Variants in NXPE4 observed in about 807,000 individuals in gnomAD.
NXPE4 encodes the protein neurexophilin and PC-esterase domain family member 4.
NXPE4 carries 42 observed loss-of-function variants against 33.3 expected under a neutral mutation model. The ratio of observed to expected loss-of-function variants is 1.26; its 90% CI spans 0.98 to 1.63. NXPE4 has a LOEUF of 1.63. NXPE4 is among the 40% of genes most tolerant of loss of function. The pLI, the probability that NXPE4 is intolerant of heterozygous loss-of-function variation, is 0.00. For synonymous variants in NXPE4, 253 were observed against 234.9 expected (o/e 1.08, Z -0.71); for missense variants, 709 against 647.6 (o/e 1.09, Z -1.03).
chr11:114,602,887 T>C, the NXPE4 span, among the ~76,000 whole-genome samples: 3 of 148,180 alleles, frequency 2.0e-5, no homozygotes, highest in Non-Finnish European at 4.5e-5. Context: ...GAAACATAAT[T>C]ATCTAATATA....
the NXPE4 span, among the ~76,000 whole-genome samples, chr11:114,667,292 A>T: frequency 4.6e-5 from 7 of 152,302 alleles, no homozygotes; most frequent in African/African-American, 1.4e-4. Context: ...AGTGAATTTT[A>T]AAAAATGTTT....
rs758515764 is a variant in NXPE4 at position 114,570,896 on chromosome 11, A to G, written c.*42T>C. 19 of 1,429,088 alleles carry G rather than the reference A, an allele frequency of 1.3e-5. No individual in the cohort carries two copies. The highest frequency in any genetic ancestry group is 1.7e-5 in the Non-Finnish European group (18 of 1,056,600). The allele number at this position is 1,429,088 out of a possible 1,614,324, so 88.5% of individuals were successfully genotyped here. On this transcript the variant is annotated 3_prime_UTR_variant, in exon 6 of 6. Transcript: ENST00000375478. ...TGGCCTGCTAGTAGACAGTCAATAA[A>G]TTTTTTTACTTAAGTGAATGAATTT...
the NXPE4 span, among the ~76,000 whole-genome samples, chr11:114,625,152 G>T: frequency 6.6e-6 from 1 of 152,146 alleles, no homozygotes; most frequent in Non-Finnish European, 1.5e-5. Context: ...AATAAGTATT[G>T]CCTTGTGGGT....
the NXPE4 span, among the ~76,000 whole-genome samples, chr11:114,601,671 T>A: frequency 2.7e-5 from 1 of 37,056 alleles, no homozygotes. Flanking sequence ...TAATTATATA[T>A]TATAATTATA....
At chr11:114,651,309 G>A in the NXPE4 span, among the ~76,000 whole-genome samples, 1 of 151,966 alleles carries the variant, frequency 6.6e-6, no homozygotes, top group African/African-American at 2.4e-5. Flanking sequence ...TAGGAGTGAA[G>A]CCGCAGACCT....
the NXPE4 span, among the ~76,000 whole-genome samples, chr11:114,639,067 G>T: frequency 6.6e-6 from 1 of 152,088 alleles, no homozygotes; most frequent in East Asian, 1.9e-4. Context: ...CCTGCCCCCA[G>T]AGGTGGAGCC....
At chr11:114,611,813 A>G in the NXPE4 span, among the ~76,000 whole-genome samples, 1 of 151,990 alleles carries the variant, frequency 6.6e-6, no homozygotes, top group African/African-American at 2.4e-5. Flanking sequence ...TTGGGAAACC[A>G]CTGTTACCCG....
chr11:114,579,512 CT>C (rs1949088149), intron 5 of NXPE4, among the ~76,000 whole-genome samples: 1 of 152,192 alleles, frequency 6.6e-6, no homozygotes, highest in South Asian at 2.1e-4. Flanking sequence ...CCATGCTTTA[CT>C]TGTGTCTACC....
intron 2 of NXPE4, among the ~76,000 whole-genome samples, chr11:114,592,379 A>G (rs1354628901): frequency 6.6e-6 from 1 of 152,120 alleles, no homozygotes; most frequent in Non-Finnish European, 1.5e-5. Flanking sequence ...ATACACCAAT[A>G]CCAAACAACC....
At chr11:114,573,610 A>G (rs1032173276) in intron 5 of NXPE4, among the ~76,000 whole-genome samples, 1 of 152,142 alleles carries the variant, frequency 6.6e-6, no homozygotes, top group Admixed American at 6.5e-5. Context: ...CAGCAGTTTA[A>G]AAAGACAAAG....
In NXPE4 at chr11:114,571,033, A is replaced by T. The variant is rs753714095; in HGVS notation, c.1540T>A (p.Trp514Arg). The change falls in exon 6 of 6, where the codon TGG (tryptophan) becomes AGG (arginine). Residue 514 changes from tryptophan to arginine, a missense_variant. Coordinates refer to ENST00000375478, the MANE Select transcript of NXPE4 (RefSeq NM_001077639.2). ...QDLSVSIIDA[W>R]DITIAYGTNN... Reference sequence around the variant, plus strand: ...GTGCCATATGCAATTGTTATATCCCAGGCATCAATGATACTCACACTGAGA... The same window carrying T: ...GTGCCATATGCAATTGTTATATCCCTGGCATCAATGATACTCACACTGAGA... The T allele has an allele frequency of 2.0e-5, 33 of 1,613,402 alleles. No individual in the cohort carries two copies. The highest frequency in any genetic ancestry group is 2.8e-5 in the Non-Finnish European group (33 of 1,179,462).
At chr11:114,600,472 C>T (rs1056644608), upstream of NXPE4, among the ~76,000 whole-genome samples, 4 of 152,192 alleles carry the variant, frequency 2.6e-5, no homozygotes, top group South Asian at 4.1e-4. Context: ...GGGCACATCA[C>T]GTCTATGGTA....
At chr11:114,665,300 T>A in the NXPE4 span, among the ~76,000 whole-genome samples, 2 of 152,166 alleles carry the variant, frequency 1.3e-5, no homozygotes, top group African/African-American at 4.8e-5. Context: ...TCCCCCACAA[T>A]CTCTCTAATT....
chr11:114,582,517 T>A lies in NXPE4; in HGVS notation c.601A>T (p.Arg201Trp). The A allele has an allele frequency of 1.9e-6, 3 of 1,614,182 alleles. No individual in the cohort carries two copies. Among genetic ancestry groups the A allele is most frequent in the Non-Finnish European group, 2.5e-6 (3 of 1,180,008 alleles). ...ACAAACTGGCCAGTGAAGATCACCCTGTCATAGCCTTGGTTCCTTGCACTC... is the reference window on the plus strand; with the variant it reads ...ACAAACTGGCCAGTGAAGATCACCCAGTCATAGCCTTGGTTCCTTGCACTC... ...LWSARNQGYD[R>W]VIFTGQFVNG... Residue 201 changes from arginine (R) to tryptophan (W), a missense_variant, in exon 3 of 6, where the codon AGG becomes TGG. Transcript: ENST00000375478.
the NXPE4 span, among the ~76,000 whole-genome samples, chr11:114,648,521 A>G: frequency 0.01 from 1,553 of 152,304 alleles, 22 homozygotes; most frequent in African/African-American, 0.035. Context: ...TTAAACGTTA[A>G]TCTACCAAAA....
At chr11:114,641,674 G>C in the NXPE4 span, among the ~76,000 whole-genome samples, 1 of 151,976 alleles carries the variant, frequency 6.6e-6, no homozygotes, top group South Asian at 2.1e-4. Flanking sequence ...CTAATAGGAG[G>C]TAAAACAAAG....
At chr11:114,580,384 C>T (rs1158847506) in intron 4 of NXPE4, 46 bp from the exon 5 acceptor site, 6 of 1,542,620 alleles carry the variant, frequency 3.9e-6, no homozygotes, top group Admixed American at 1.7e-5. Flanking sequence ...CATCAAATTA[C>T]CCGTCAGTAT....
At chr11:114,606,592 T>G in the NXPE4 span, among the ~76,000 whole-genome samples, 1 of 150,946 alleles carries the variant, frequency 6.6e-6, no homozygotes, top group Non-Finnish European at 1.5e-5. Context: ...AGTATTTCCT[T>G]GTGGGTAACC....
chr11:114,673,138 C>T, the NXPE4 span, among the ~76,000 whole-genome samples: 1 of 149,106 alleles, frequency 6.7e-6, no homozygotes, highest in Non-Finnish European at 1.5e-5. Context: ...TGCTCTGTGG[C>T]TATATGGAAT....
Sources: allele counts gnomAD v4.1 joint callset (sites outside exome capture counted in the v4.1 genomes callset), GRCh38; gene constraint gnomAD v4.1.1; transcripts MANE v1.5; gene names NCBI Gene and HGNC (gene_info 2026-07-23, HGNC 2026-07-21).